CTNNA3: variants seen among roughly 807,000 people sequenced by gnomAD.
The protein encoded by CTNNA3 is catenin alpha 3.
In CTNNA3, 76 loss-of-function variants were observed where a neutral mutation model predicts 95.7. The observed-to-expected ratio is 0.79, with a 90% CI of 0.66 to 0.96. The LOEUF (loss-of-function observed/expected upper bound fraction) is 0.96, where lower values mean the gene tolerates loss of function less well. CTNNA3 is among the 40% of genes least tolerant of loss of function. The probability of loss-of-function intolerance (pLI) is 0.00; values close to 1 mark genes in which losing one functional copy is unlikely to be tolerated. For missense variants in CTNNA3, 1,191 were observed against 1,089.8 expected, an observed-to-expected ratio of 1.09 and a Z score of -1.31; for synonymous variants, 431 against 374.4, an observed-to-expected ratio of 1.15 and a Z score of -1.74.
chr10:66,421,915 T>TACAC (rs1240552275), intron 11 of CTNNA3, among the ~76,000 whole-genome samples: 1 of 128,898 alleles, frequency 7.8e-6, no homozygotes, highest in Non-Finnish European at 1.6e-5. Flanking sequence ...TATATATATA[T>TACAC]ACACACACAC....
At chr10:66,152,728 T>A (rs2084269726) in intron 13 of CTNNA3, among the ~76,000 whole-genome samples, 1 of 151,944 alleles carries the variant, frequency 6.6e-6, no homozygotes, top group Admixed American at 6.6e-5. Flanking sequence ...TATTATCACC[T>A]CTTCTGGCAA....
chr10:66,592,554 T>C lies in CTNNA3; in HGVS notation c.1374+29138A>G, dbSNP rs112496826. 2.3e-3 allele frequency among the ~76,000 whole-genome samples: 351 copies of C among 152,204 alleles called. 2 individuals carry two copies. Among genetic ancestry groups the C allele is most frequent in the Non-Finnish European group, 4.3e-3 (289 of 67,994 alleles). On this transcript the variant is annotated intron_variant, in intron 10 of 17. Transcript: ENST00000433211. ...GAATGTATATGACAGATAGAATGCA[T>C]ATGGGGAGTCAAAACATATAGAATT...
chr10:67,076,368 A>C (rs900763974), intron 7 of CTNNA3, among the ~76,000 whole-genome samples: 6 of 152,248 alleles, frequency 3.9e-5, no homozygotes, highest in African/African-American at 4.8e-5. Context: ...CAGCTTGTTC[A>C]AGGTCACTTT....
At chr10:66,295,565 G>A (rs1349166992) in intron 12 of CTNNA3, among the ~76,000 whole-genome samples, 4 of 152,156 alleles carry the variant, frequency 2.6e-5, no homozygotes, top group Non-Finnish European at 5.9e-5. Flanking sequence ...TTGCAATAAG[G>A]TAGTGTCAGT....
intron 9 of CTNNA3, among the ~76,000 whole-genome samples, chr10:66,719,518 C>T (rs1390065941): frequency 6.6e-6 from 1 of 152,252 alleles, no homozygotes; most frequent in African/African-American, 2.4e-5. Flanking sequence ...TATCCAGAAT[C>T]CAGTACACAG....
At chr10:67,582,818 CTTCT>C (rs1346183479) in intron 3 of CTNNA3, among the ~76,000 whole-genome samples, 3 of 152,040 alleles carry the variant, frequency 2.0e-5, no homozygotes, top group Non-Finnish European at 4.4e-5. Context: ...ATACAATGGC[CTTCT>C]TTGTCTCTTT....
chr10:66,658,971 G>C (rs547002117), intron 9 of CTNNA3, among the ~76,000 whole-genome samples: 3 of 152,096 alleles, frequency 2.0e-5, no homozygotes, highest in Admixed American at 6.5e-5. Context: ...TTACAGGTGT[G>C]AGCCACCATA....
chr10:66,961,115 G>A lies in CTNNA3; in HGVS notation c.1048-185591C>T, dbSNP rs998882202. ...AAATGTTCAATAGCAAGGTCTTCTAGCAAGTCTAGAAACTGCCATCATTTC... is the reference window on the plus strand; with the variant it reads ...AAATGTTCAATAGCAAGGTCTTCTAACAAGTCTAGAAACTGCCATCATTTC... On this transcript the variant is annotated intron_variant, in intron 7 of 17. Transcript: ENST00000433211. Among the ~76,000 whole-genome samples the A allele has an allele frequency of 3.3e-5, 5 of 152,202 alleles. No individual in the cohort carries two copies. The South Asian group carries it at 8.3e-4, about 25-fold the overall frequency.
rs765145806 is a variant in CTNNA3 at position 66,103,252 on chromosome 10, A to G, written c.1885-3T>C. ...ACATCCTCCAGTTCCTCTGGGGTCT[A>G]TAAAAAGAAAGCAAAACATTGCTAG... On this transcript the variant is annotated splice_polypyrimidine_tract_variant and splice_region_variant and intron_variant, in intron 13 of 17. Transcript: ENST00000433211. 1.2e-5 allele frequency: 20 copies of G among 1,612,196 alleles called. No homozygotes were observed. The East Asian group carries it at 3.8e-4, about 31-fold the overall frequency.
intron 10 of CTNNA3, among the ~76,000 whole-genome samples, chr10:66,578,230 T>C (rs80088067): frequency 0.022 from 3,409 of 152,094 alleles, 152 homozygotes; most frequent in African/African-American, 0.077. Flanking sequence ...TCTGGCAGAA[T>C]CTATGGGGTT....
At chr10:66,939,655 T>C (rs187926781) in intron 7 of CTNNA3, among the ~76,000 whole-genome samples, 12 of 152,340 alleles carry the variant, frequency 7.9e-5, no homozygotes, top group Admixed American at 7.8e-4. Flanking sequence ...AGACCATCCA[T>C]ATCCCTTTTC....
chr10:66,719,824 G>T (rs1848569412), intron 9 of CTNNA3, among the ~76,000 whole-genome samples: 1 of 151,984 alleles, frequency 6.6e-6, no homozygotes, highest in African/African-American at 2.4e-5. Flanking sequence ...TATGTTTTTT[G>T]GCCTCAATGG....
chr10:67,648,475 C>A (rs907024062), intron 1 of CTNNA3, among the ~76,000 whole-genome samples: 3 of 152,194 alleles, frequency 2.0e-5, no homozygotes, highest in Non-Finnish European at 4.4e-5. Context: ...AAATGGCCTG[C>A]CCAGGGCCCC....
At chr10:67,739,805 T>C (rs577528087) in intron 1 of CTNNA3, among the ~76,000 whole-genome samples, 1 of 152,286 alleles carries the variant, frequency 6.6e-6, no homozygotes, top group South Asian at 2.1e-4. Context: ...TGGAAAAAAC[T>C]ACTTTAAAGT....
chr10:67,384,249 C>T (rs1844059215), intron 5 of CTNNA3, among the ~76,000 whole-genome samples: 1 of 152,116 alleles, frequency 6.6e-6, no homozygotes, highest in South Asian at 2.1e-4. Context: ...AATTTGGCTC[C>T]TTTCTTTCTA....
chr10:66,155,459 T>C (rs1216017221), intron 13 of CTNNA3, among the ~76,000 whole-genome samples: 1 of 151,854 alleles, frequency 6.6e-6, no homozygotes, highest in South Asian at 2.1e-4. Context: ...CTATAAAAGT[T>C]ATATCTTAAT....
intron 7 of CTNNA3, among the ~76,000 whole-genome samples, chr10:67,053,807 T>C (rs921958813): frequency 1.3e-5 from 2 of 152,182 alleles, no homozygotes; most frequent in African/African-American, 4.8e-5. Context: ...CCATTGAGAT[T>C]AATCTTTTGA....
intron 12 of CTNNA3, among the ~76,000 whole-genome samples, chr10:66,324,048 A>G (rs534150451): frequency 9.5e-4 from 144 of 151,892 alleles, no homozygotes; most frequent in African/African-American, 3.4e-3. Flanking sequence ...CACTCAATAA[A>G]AACTCACATT....
At chr10:66,132,354 C>T (rs1318566828) in intron 13 of CTNNA3, among the ~76,000 whole-genome samples, 1 of 152,126 alleles carries the variant, frequency 6.6e-6, no homozygotes, top group East Asian at 1.9e-4. Context: ...CAATGAGATA[C>T]CATCTCACAC....
Sources: allele counts gnomAD v4.1 joint callset (sites outside exome capture counted in the v4.1 genomes callset), GRCh38; gene constraint gnomAD v4.1.1; transcripts MANE v1.5; gene names NCBI Gene and HGNC (gene_info 2026-07-23, HGNC 2026-07-21).